The following FGD4 variants were observed in gnomAD, a reference collection of about 807,000 sequenced individuals.
FGD4 encodes FYVE, RhoGEF and PH domain-containing protein 4.
Under a neutral mutation model 102.0 loss-of-function variants are expected in FGD4, and 42 were observed. The ratio of observed to expected loss-of-function variants is 0.41; its 90% CI spans 0.32 to 0.53. FGD4 has a LOEUF of 0.53. Ranked by LOEUF, FGD4 falls within the 20% of genes least tolerant of loss-of-function variation. FGD4 has a pLI of 0.21. For missense variants in FGD4, 902 were observed against 1,078.2 expected (o/e 0.84, Z 2.29); for synonymous variants, 380 against 375.7 (o/e 1.01, Z -0.13).
chr12:32,431,032 C>T (rs187848383), intron 1 of FGD4, among the ~76,000 whole-genome samples: 1 of 152,316 alleles, frequency 6.6e-6, no homozygotes, highest in East Asian at 1.9e-4. Flanking sequence ...TGTCCATTTC[C>T]AGGTTTTGGA....
chr12:32,644,750 C>T lies in FGD4; in HGVS notation c.*4217C>T, dbSNP rs1193238588. The T allele has an allele frequency of 6.6e-6, 1 of 152,136 alleles. No individual in the cohort carries two copies. Among genetic ancestry groups the T allele is most frequent in the African/African-American group, 2.4e-5 (1 of 41,426 alleles). The allele number at this position is 152,136 out of a possible 1,614,324, so 9.4% of individuals were successfully genotyped here. On this transcript the variant is annotated 3_prime_UTR_variant, in exon 17 of 17. Transcript: ENST00000534526. ...GATATAAAATCTATGTAATTACATGCTGATGGGATCCATTGCACCCAGGTT... is the reference window on the plus strand; with the variant it reads ...GATATAAAATCTATGTAATTACATGTTGATGGGATCCATTGCACCCAGGTT...
At chr12:32,444,396 T>G (rs372228171) in intron 1 of FGD4, among the ~76,000 whole-genome samples, 19 of 151,958 alleles carry the variant, frequency 1.3e-4, no homozygotes, top group African/African-American at 4.6e-4. Flanking sequence ...ATTAAGCAAT[T>G]TTTTTTTGTT....
chr12:32,412,565 C>T (rs954005288), intron 1 of FGD4, among the ~76,000 whole-genome samples: 1 of 152,102 alleles, frequency 6.6e-6, no homozygotes, highest in Non-Finnish European at 1.5e-5. Flanking sequence ...TTGCTTGAAC[C>T]CAGAAGTTCA....
At chr12:32,613,991 A>G (rs555473848) in intron 10 of FGD4, among the ~76,000 whole-genome samples, 1 of 152,330 alleles carries the variant, frequency 6.6e-6, no homozygotes, top group African/African-American at 2.4e-5. Flanking sequence ...AAGGGACAAG[A>G]CATTGTTGAA....
At chr12:32,452,847 G>A (rs1202087864) in intron 1 of FGD4, among the ~76,000 whole-genome samples, 1 of 151,700 alleles carries the variant, frequency 6.6e-6, no homozygotes, top group Non-Finnish European at 1.5e-5. Flanking sequence ...AAATTAGCTG[G>A]GCATGGTGGT....
At chr12:32,585,995 G>T (rs908547214) in intron 4 of FGD4, among the ~76,000 whole-genome samples, 20 of 152,104 alleles carry the variant, frequency 1.3e-4, no homozygotes, top group African/African-American at 4.3e-4. Flanking sequence ...TGGGATGGGG[G>T]TGAGTGAAAG....
At chr12:32,451,491 A>G (rs1416264582) in intron 1 of FGD4, among the ~76,000 whole-genome samples, 1 of 152,202 alleles carries the variant, frequency 6.6e-6, no homozygotes, top group Non-Finnish European at 1.5e-5. Context: ...CACAAAATTT[A>G]TGATTCTCTG....
At chr12:32,508,643 A>G (rs566639319) in intron 1 of FGD4, among the ~76,000 whole-genome samples, 69 of 152,374 alleles carry the variant, frequency 4.5e-4, no homozygotes, top group African/African-American at 1.6e-3. Flanking sequence ...TTTTAGCGTT[A>G]GAAGAGATTG....
intron 3 of FGD4, 163 bp from the exon 4 acceptor site, chr12:32,581,797 G>C (rs1157002889): frequency 2.8e-6 from 2 of 709,278 alleles, no homozygotes; most frequent in Non-Finnish European, 4.6e-6. Context: ...CATCCCAAGA[G>C]ACTTGGGTCT....
intron 14 of FGD4, among the ~76,000 whole-genome samples, chr12:32,632,333 T>G (rs1198653054): frequency 6.6e-6 from 1 of 152,154 alleles, no homozygotes; most frequent in African/African-American, 2.4e-5. Flanking sequence ...AATACAGGAA[T>G]AAAATTAAAA....
At chr12:32,523,259 G>T (rs1565799421) in intron 1 of FGD4, among the ~76,000 whole-genome samples, 1 of 152,190 alleles carries the variant, frequency 6.6e-6, no homozygotes, top group African/African-American at 2.4e-5. Context: ...TAAATTTATG[G>T]CAGAGAATGT....
intron 2 of FGD4, among the ~76,000 whole-genome samples, chr12:32,567,686 CTTTTT>C (rs36064998): frequency 7.9e-6 from 1 of 126,406 alleles, no homozygotes; most frequent in Non-Finnish European, 1.6e-5. Context: ...TTATTGTGGG[CTTTTT>C]TTTTTTTTTT....
intron 1 of FGD4, among the ~76,000 whole-genome samples, chr12:32,437,272 A>G (rs1942264492): frequency 6.6e-6 from 1 of 152,184 alleles, no homozygotes; most frequent in South Asian, 2.1e-4. Flanking sequence ...TATGAAAACA[A>G]AAGGTTACAC....
At chr12:32,450,212 T>C (rs925945599) in intron 1 of FGD4, among the ~76,000 whole-genome samples, 1 of 152,188 alleles carries the variant, frequency 6.6e-6, no homozygotes, top group Admixed American at 6.5e-5. Flanking sequence ...ATTACAGGCA[T>C]GAGCCACTGC....
chr12:32,520,160 G>A (rs796917004), intron 1 of FGD4, among the ~76,000 whole-genome samples: 122 of 152,186 alleles, frequency 8.0e-4, no homozygotes, highest in African/African-American at 2.8e-3. Flanking sequence ...CCTTTAGGAC[G>A]ATGAATCTCT....
chr12:32,468,025 T>G (rs1258290085), intron 1 of FGD4, among the ~76,000 whole-genome samples: 1 of 151,606 alleles, frequency 6.6e-6, no homozygotes, highest in Non-Finnish European at 1.5e-5. Flanking sequence ...CAAAAAAAAT[T>G]TTTTTTAATT....
At chr12:32,468,607 T>C (rs1438580443) in intron 1 of FGD4, among the ~76,000 whole-genome samples, 2 of 152,158 alleles carry the variant, frequency 1.3e-5, no homozygotes, top group African/African-American at 4.8e-5. Flanking sequence ...CTGGGCGCAG[T>C]GGCTCATGCC....
intron 1 of FGD4, among the ~76,000 whole-genome samples, chr12:32,451,867 A>G (rs1334182086): frequency 6.9e-6 from 1 of 145,132 alleles, no homozygotes; most frequent in East Asian, 2.0e-4. Flanking sequence ...AAAAAAAAGT[A>G]AGTTACTACT....
At chr12:32,595,713 C>T (rs1336030511) in intron 4 of FGD4, among the ~76,000 whole-genome samples, 1 of 152,136 alleles carries the variant, frequency 6.6e-6, no homozygotes, top group Non-Finnish European at 1.5e-5. Flanking sequence ...GGGAAATATG[C>T]CAGGCTGGCA....
Sources: gnomAD v4.1 joint callset for allele counts (sites outside exome capture counted in the v4.1 genomes callset) on GRCh38, gnomAD v4.1.1 for gene constraint, MANE v1.5 for transcripts, NCBI Gene and HGNC (gene_info 2026-07-23, HGNC 2026-07-21) for gene names.